Variants in NFAM1 observed in about 807,000 individuals in gnomAD.
The protein encoded by NFAM1 is NFAT activating protein with ITAM motif 1.
In NFAM1, 17 loss-of-function variants were observed where a neutral mutation model predicts 29.0. The observed-to-expected ratio is 0.59, with a 90% CI of 0.40 to 0.88. NFAM1 has a LOEUF of 0.88. NFAM1 is among the 40% of genes least tolerant of loss of function. NFAM1 has a pLI of 0.00. For missense variants in NFAM1, 324 were observed against 344.6 expected, an observed-to-expected ratio of 0.94 and a Z score of 0.47; for synonymous variants, 175 against 147.2, an observed-to-expected ratio of 1.19 and a Z score of -1.36.
At chr22:42,387,271 C>CCCCT (rs1479383437) in intron 4 of NFAM1, among the ~76,000 whole-genome samples, 193 bp from the exon 5 acceptor site, 4 of 152,124 alleles carry the variant, frequency 2.6e-5, no homozygotes, top group Non-Finnish European at 5.9e-5. Flanking sequence ...AAAGGGCTGA[C>CCCCT]CCCTCTCTGT....
In NFAM1 at chr22:42,397,962, G is replaced by C; in HGVS notation, c.565-6C>G. 1 of 1,553,482 alleles carries C rather than the reference G, an allele frequency of 6.4e-7. No homozygotes were observed. Among genetic ancestry groups the C allele is most frequent in the Non-Finnish European group, 8.8e-7 (1 of 1,134,914 alleles). ...CCTGGACCCCGCATCCGCTTCTGTAGGGAGAAAGGAGTCAGGGCCAGGGAT... is the reference window on the plus strand; with the variant it reads ...CCTGGACCCCGCATCCGCTTCTGTACGGAGAAAGGAGTCAGGGCCAGGGAT... On this transcript the variant is annotated splice_polypyrimidine_tract_variant and splice_region_variant and intron_variant, in intron 3 of 5. Coordinates refer to ENST00000329021, the MANE Select transcript of NFAM1 (RefSeq NM_145912.8).
At position 42,387,060 on chromosome 22, in the gene NFAM1, T is replaced by G. The variant is rs766421990; in HGVS notation, c.682A>C (p.Thr228Pro). 8.2e-6 allele frequency: 13 copies of G among 1,586,344 alleles called. No homozygotes were observed. The Admixed American group carries it at 1.2e-4, about 15-fold the overall frequency. Residue 228 changes from threonine to proline, a missense_variant, in exon 5 of 6, where the codon ACC becomes CCC. Coordinates refer to ENST00000329021, the MANE Select transcript of NFAM1 (RefSeq NM_145912.8). ...TTCTCGATGCAGGCATAGACCTCGG[T>G]CTCGCGGCGCTGCAGAGCCTACAGG... Reference protein sequence around the residue: ...SVYTALQRRETEVYACIENED... With the variant: ...SVYTALQRREPEVYACIENED...
upstream of NFAM1, chr22:42,437,008 G>C (rs1296263469): frequency 2.0e-6 from 2 of 984,470 alleles, no homozygotes; most frequent in Non-Finnish European, 2.4e-6. Flanking sequence ...ACATACCATG[G>C]TCCCCCTGCT....
chr22:42,386,608 C>T (rs1467122082), intron 5 of NFAM1, among the ~76,000 whole-genome samples: 1 of 152,118 alleles, frequency 6.6e-6, no homozygotes, highest in Non-Finnish European at 1.5e-5. Context: ...TCTGACTGAC[C>T]ATGTGGACAC....
At chr22:42,426,607 G>C (rs528946109) in intron 1 of NFAM1, among the ~76,000 whole-genome samples, 2 of 152,316 alleles carry the variant, frequency 1.3e-5, no homozygotes, top group African/African-American at 4.8e-5. Context: ...CTCTGTTTTG[G>C]CAAAGGCGCC....
At chr22:42,402,568 G>A (rs1055203624) in intron 3 of NFAM1, among the ~76,000 whole-genome samples, 3 of 152,180 alleles carry the variant, frequency 2.0e-5, no homozygotes, top group East Asian at 1.9e-4. Flanking sequence ...GAACAAGGAG[G>A]GCATGTTGTC....
intron 3 of NFAM1, among the ~76,000 whole-genome samples, chr22:42,404,921 C>A (rs1929844334): frequency 6.6e-6 from 1 of 151,640 alleles, no homozygotes. Flanking sequence ...CCCTCCTTAT[C>A]CCATTTCCAG....
At chr22:42,402,781 T>G (rs1197936362) in intron 3 of NFAM1, among the ~76,000 whole-genome samples, 2 of 150,404 alleles carry the variant, frequency 1.3e-5, no homozygotes. Flanking sequence ...GAGAGAGACC[T>G]CTCCTGGTAC....
intron 1 of NFAM1, among the ~76,000 whole-genome samples, chr22:42,414,780 G>C (rs1032920081): frequency 2.0e-5 from 3 of 151,904 alleles, no homozygotes; most frequent in Non-Finnish European, 4.4e-5. Flanking sequence ...GCCACTCCAG[G>C]GGGAGGGCAG....
rs1344402014 is a variant in NFAM1, at chr22:42,432,300, G to A, written c.58C>T (p.Leu20Phe). Residue 20 changes from leucine (L) to phenylalanine (F), a missense_variant, in exon 1 of 6, where the codon CTC becomes TTC. Leu to Phe is a conservative substitution (Grantham distance 22, BLOSUM62 0). Transcript: ENST00000329021. ...AGGAGGAGCCAGGGGGCTGCGGGGA[G>A]CCCAGGAGGGCGTGGGAGGCCTGGC... Reference protein sequence around the residue: ...ALPGLPRPPGLPAAPWLLLGV... With the variant: ...ALPGLPRPPGFPAAPWLLLGV... 2 of 1,573,690 alleles carry A rather than the reference G, an allele frequency of 1.3e-6. No homozygotes were observed. The highest frequency in any genetic ancestry group is 2.7e-5 in the African/African-American group (2 of 74,026).
chr22:42,390,893 A>C (rs1929316844), intron 4 of NFAM1, among the ~76,000 whole-genome samples: 1 of 151,570 alleles, frequency 6.6e-6, no homozygotes, highest in Non-Finnish European at 1.5e-5. Context: ...GGGAATAGCC[A>C]GCACAGAGGC....
intron 3 of NFAM1, among the ~76,000 whole-genome samples, chr22:42,407,081 CTTTT>C (rs1177618694): frequency 8.4e-6 from 1 of 118,954 alleles, no homozygotes; most frequent in Non-Finnish European, 1.8e-5. Context: ...GGACCTTCCT[CTTTT>C]TTTTTTTTTT....
intron 2 of NFAM1, among the ~76,000 whole-genome samples, chr22:42,410,658 CA>C (rs35345430): frequency 0.4 from 46,994 of 118,814 alleles, 8,483 homozygotes; most frequent in African/African-American, 0.56. Flanking sequence ...GACTCTGTCT[CA>C]AAAAAAAAAA....
In NFAM1 at chr22:42,411,873, G is replaced by A. The variant is rs570319048; in HGVS notation, c.122-137C>T. 402 of 632,814 alleles carry A rather than the reference G, an allele frequency of 6.4e-4. 7 individuals carry two copies. The South Asian group carries it at 6.8e-3, about 11-fold the overall frequency. 39.2% of individuals were successfully genotyped at this position (632,814 alleles called of 1,614,324 possible). A position where few individuals can be genotyped will look rare whatever the true frequency, so the allele number is the denominator to read the frequency against. On this transcript the variant is annotated intron_variant, in intron 1 of 5. Coordinates refer to ENST00000329021, the MANE Select transcript of NFAM1 (RefSeq NM_145912.8). The stretch of plus-strand genomic sequence containing the variant: ...AACACTTTGGGAGGCCGAGGCAGGC[G>A]GATCACTGGAGGTCAGGAGTTCAAG...
Position 42,404,887 on chromosome 22 carries a change from T to A in NFAM1, c.564+4548A>T, listed in dbSNP as rs1468040663. 3.4e-5 allele frequency among the ~76,000 whole-genome samples: 5 copies of A among 148,708 alleles called. 1 individual carries two copies. Among genetic ancestry groups the A allele is most frequent in the Admixed American group, 3.3e-4 (5 of 14,970 alleles). On this transcript the variant is annotated intron_variant, in intron 3 of 5. Transcript: ENST00000329021. Reference sequence around the variant, plus strand: ...AAAAAAAAAAAGTGCTCTCCTTCCATGTTCACTTAGTGGGCAGGGTCTACC... The same window carrying A: ...AAAAAAAAAAAGTGCTCTCCTTCCAAGTTCACTTAGTGGGCAGGGTCTACC...
chr22:42,405,771 C>T (rs1447549853), intron 3 of NFAM1, among the ~76,000 whole-genome samples: 1 of 152,198 alleles, frequency 6.6e-6, no homozygotes, highest in Non-Finnish European at 1.5e-5. Context: ...CAGTGGTACC[C>T]AAGGCCTGCG....
chr22:42,430,466 AG>A (rs1409590738), intron 1 of NFAM1, among the ~76,000 whole-genome samples: 6 of 149,710 alleles, frequency 4.0e-5, no homozygotes, highest in East Asian at 2.0e-4. Flanking sequence ...AGGCTGAGGC[AG>A]GAGAATCACT....
intron 2 of NFAM1, among the ~76,000 whole-genome samples, 184 bp downstream of exon 2, chr22:42,411,223 C>A (rs1405639054): frequency 3.3e-5 from 5 of 151,974 alleles, no homozygotes. Context: ...GGGGTTTCAC[C>A]ATGTTGGCCA....
At position 42,405,261 on chromosome 22, in the gene NFAM1, G is replaced by A. The variant is rs554374854; in HGVS notation, c.564+4174C>T. Among the ~76,000 whole-genome samples the A allele has an allele frequency of 8.5e-5, 13 of 152,296 alleles. No homozygotes were observed. The South Asian group carries it at 2.3e-3, about 27-fold the overall frequency. On this transcript the variant is annotated intron_variant, in intron 3 of 5. Coordinates refer to ENST00000329021, the MANE Select transcript of NFAM1 (RefSeq NM_145912.8). ...ATGGGGGGCTCAAGGTTAAGATCTC[G>A]CCTGGCCCCGTTCTGTTCCTTGCCT...
Sources: gnomAD v4.1 joint callset for allele counts (sites outside exome capture counted in the v4.1 genomes callset) on GRCh38, gnomAD v4.1.1 for gene constraint, MANE v1.5 for transcripts, NCBI Gene and HGNC (gene_info 2026-07-23, HGNC 2026-07-21) for gene names.